The following RABGAP1L variants were observed in gnomAD, a reference collection of about 807,000 sequenced individuals.
The protein encoded by RABGAP1L is RAB GTPase activating protein 1 like, also known as rab GTPase-activating protein 1-like.
A neutral mutation model predicts 137.7 loss-of-function variants in RABGAP1L; 63 were observed. That is an observed-to-expected ratio of 0.46 (90% CI 0.37 to 0.56). RABGAP1L has a LOEUF of 0.56. Among genes scored for constraint, RABGAP1L ranks in the 20% least tolerant of loss-of-function variants. The pLI is 0.00. For missense variants in RABGAP1L, 1,095 were observed against 1,244.0 expected, an observed-to-expected ratio of 0.88 and a Z score of 1.80; for synonymous variants, 431 against 433.7, an observed-to-expected ratio of 0.99 and a Z score of 0.08.
intron 13 of RABGAP1L, among the ~76,000 whole-genome samples, chr1:174,557,096 C>T (rs936926632): frequency 3.3e-5 from 5 of 152,194 alleles, no homozygotes; most frequent in African/African-American, 1.2e-4. Flanking sequence ...AAGGTCAGCC[C>T]GACTGGCTTG....
rs535628865 is a variant in RABGAP1L, at chr1:174,817,917, G to A, written c.2340+5957G>A. Among the ~76,000 whole-genome samples the A allele has an allele frequency of 3.3e-5, 5 of 152,144 alleles. No homozygotes were observed. In the South Asian group the frequency reaches 6.2e-4, roughly 19 times the overall value. ...GGGCAGATAAAGAGAGCCAGCGATA[G>A]CACTTAGGATTCTTACTTAAGCAAC... On this transcript the variant is annotated intron_variant, in intron 19 of 25. Transcript: ENST00000681986.
At position 174,926,999 on chromosome 1, in the gene RABGAP1L, G is replaced by A. The variant is rs543042387; in HGVS notation, c.2341-30458G>A. Reference sequence around the variant, plus strand: ...GAGGCAGAAGAATTGCTTGAACCCAGGAGGCAGAGGTTGCAGTGAGCTGAG... The same window carrying A: ...GAGGCAGAAGAATTGCTTGAACCCAAGAGGCAGAGGTTGCAGTGAGCTGAG... On this transcript the variant is annotated intron_variant, in intron 19 of 25. Coordinates refer to ENST00000681986, the MANE Select transcript of RABGAP1L (RefSeq NM_001366446.1). 5.9e-5 allele frequency among the ~76,000 whole-genome samples: 9 copies of A among 151,994 alleles called. 1 individual carries two copies. In the South Asian group the frequency reaches 1.9e-3, roughly 32 times the overall value.
At chr1:174,729,457 AAAAACAAAAAATTGACAAGTGGAACCT>A (rs1403744831) in intron 17 of RABGAP1L, among the ~76,000 whole-genome samples, 7 of 152,214 alleles carry the variant, frequency 4.6e-5, no homozygotes, top group Non-Finnish European at 7.3e-5. Context: ...CAATTGCAAC[AAAAACAAAAAATTGACAAGTGGAACCT>A]AATTAAAGAG....
intron 3 of RABGAP1L, among the ~76,000 whole-genome samples, chr1:174,225,684 C>T (rs1246117824): frequency 2.6e-5 from 4 of 151,986 alleles, no homozygotes; most frequent in African/African-American, 9.7e-5. Context: ...TTCTTCAGCT[C>T]TCTCCTCTCT....
chr1:174,819,417 G>A (rs1361468142), intron 19 of RABGAP1L, among the ~76,000 whole-genome samples: 1 of 152,084 alleles, frequency 6.6e-6, no homozygotes, highest in Non-Finnish European at 1.5e-5. Flanking sequence ...GATAGACCCA[G>A]GGAATATGAG....
At chr1:174,178,957 G>A (rs748813453) in intron 1 of RABGAP1L, among the ~76,000 whole-genome samples, 18 of 152,108 alleles carry the variant, frequency 1.2e-4, no homozygotes, top group Non-Finnish European at 2.5e-4. Flanking sequence ...TATGTAACAA[G>A]CCTGCACATT....
chr1:174,789,334 C>T (rs375690839), intron 18 of RABGAP1L, among the ~76,000 whole-genome samples: 10 of 152,076 alleles, frequency 6.6e-5, no homozygotes, highest in South Asian at 4.1e-4. Context: ...TTAGTTGGAC[C>T]GTGGTCTGTT....
chr1:174,265,263 G>A (rs1054754553), intron 7 of RABGAP1L, among the ~76,000 whole-genome samples: 2 of 152,124 alleles, frequency 1.3e-5, no homozygotes, highest in Non-Finnish European at 2.9e-5. Flanking sequence ...TGAATGTCCT[G>A]TATTAGTCTT....
intron 19 of RABGAP1L, among the ~76,000 whole-genome samples, chr1:174,840,089 C>T (rs1196125585): frequency 4.6e-5 from 7 of 152,172 alleles, no homozygotes; most frequent in Admixed American, 6.5e-5. Context: ...AGGACCAGAA[C>T]ATACTGTTAT....
Position 174,330,750 on chromosome 1 carries a change from A to G in RABGAP1L, c.1465+25623A>G, listed in dbSNP as rs141364904. ...GGATGGTAAGAATTAATATTTTTAA[A>G]ATGTCTATACTACCCAAAGCAATCT... On this transcript the variant is annotated intron_variant, in intron 11 of 25. Transcript: ENST00000681986. Among the ~76,000 whole-genome samples, 146 of 152,326 alleles carry G rather than the reference A, an allele frequency of 9.6e-4. 2 individuals carry two copies. The South Asian group carries it at 0.013, about 14-fold the overall frequency.
At chr1:174,907,846 C>T (rs1415159701) in intron 19 of RABGAP1L, among the ~76,000 whole-genome samples, 1 of 152,236 alleles carries the variant, frequency 6.6e-6, no homozygotes, top group African/African-American at 2.4e-5. Context: ...TAAATGGTCT[C>T]AGTTCTCCAA....
chr1:174,824,175 A>T (rs2148894301), intron 19 of RABGAP1L, among the ~76,000 whole-genome samples: 1 of 152,272 alleles, frequency 6.6e-6, no homozygotes, highest in East Asian at 1.9e-4. Flanking sequence ...CTGTAATCCC[A>T]GCTACTAGGG....
chr1:174,746,468 CT>C (rs975807085), intron 17 of RABGAP1L, among the ~76,000 whole-genome samples: 1 of 152,108 alleles, frequency 6.6e-6, no homozygotes, highest in Non-Finnish European at 1.5e-5. Flanking sequence ...CAGTCAGCTA[CT>C]TTTTTTGAGT....
chr1:174,803,290 A>G (rs1175161545), intron 18 of RABGAP1L, among the ~76,000 whole-genome samples: 1 of 152,224 alleles, frequency 6.6e-6, no homozygotes, highest in East Asian at 1.9e-4. Context: ...CTTCAAAGGT[A>G]CACCCAGTTA....
chr1:174,782,393 T>C (rs1298080805), intron 18 of RABGAP1L, among the ~76,000 whole-genome samples: 1 of 152,330 alleles, frequency 6.6e-6, no homozygotes, highest in African/African-American at 2.4e-5. Flanking sequence ...ATAAGAATAC[T>C]TGTGATTTTT....
intron 19 of RABGAP1L, among the ~76,000 whole-genome samples, chr1:174,951,148 G>T (rs2149324277): frequency 6.6e-6 from 1 of 152,182 alleles, no homozygotes. Flanking sequence ...GATCATCTTT[G>T]TACCTTTTAT....
chr1:174,698,699 T>C (rs55667039), intron 15 of RABGAP1L, among the ~76,000 whole-genome samples: 32,351 of 150,564 alleles, frequency 0.21, 3,756 homozygotes, highest in Admixed American at 0.25. Context: ...GACAACTCTT[T>C]ATATACTGAG....
chr1:174,929,013 C>T (rs1374268853), intron 19 of RABGAP1L, among the ~76,000 whole-genome samples: 3 of 148,764 alleles, frequency 2.0e-5, no homozygotes, highest in African/African-American at 7.4e-5. Context: ...GGGAATTGAA[C>T]AATGATAACA....
intron 17 of RABGAP1L, among the ~76,000 whole-genome samples, chr1:174,703,212 A>G (rs1266270517): frequency 6.6e-6 from 1 of 152,170 alleles, no homozygotes; most frequent in East Asian, 1.9e-4. Flanking sequence ...TAGTGTAACC[A>G]TCACTTGAAT....
Sources: allele counts gnomAD v4.1 joint callset (sites outside exome capture counted in the v4.1 genomes callset), GRCh38; gene constraint gnomAD v4.1.1; transcripts MANE v1.5; gene names NCBI Gene and HGNC (gene_info 2026-07-23, HGNC 2026-07-21).